Variants in WRAP53 observed in about 807,000 individuals in gnomAD.
WRAP53 encodes the protein telomerase Cajal body protein 1.
Under a neutral mutation model 56.6 loss-of-function variants are expected in WRAP53, and 28 were observed. The observed-to-expected ratio is 0.50, with a 90% CI of 0.37 to 0.68. The LOEUF (loss-of-function observed/expected upper bound fraction) is 0.68, where lower values mean the gene tolerates loss of function less well. Ranked by LOEUF, WRAP53 falls within the 30% of genes least tolerant of loss-of-function variation. The pLI, the probability that WRAP53 is intolerant of heterozygous loss-of-function variation, is 0.00. For synonymous variants in WRAP53, 283 were observed against 283.4 expected, an observed-to-expected ratio of 1.00 and a Z score of 0.01; for missense variants, 671 against 715.5, an observed-to-expected ratio of 0.94 and a Z score of 0.71.
In WRAP53 at chr17:7,703,355, C is replaced by T. The variant is rs779483078; in HGVS notation, c.1516C>T (p.Arg506Cys). 1.1e-5 allele frequency: 17 copies of T among 1,613,888 alleles called. No individual in the cohort carries two copies. The highest frequency in any genetic ancestry group is 8.9e-5 in the East Asian group (4 of 44,878). Reference protein sequence around the residue: ...EELGLPLLSTRHVHLECRLQL... With the variant: ...EELGLPLLSTCHVHLECRLQL... ...GCTGGGCCTTCCCTTGCTCTCCACG[C>T]GCCACGTCCACCTTGAATGTCGGCT... The change falls in exon 11 of 11, where the codon CGC becomes TGC. Residue 506 changes from arginine to cysteine, a missense_variant. By Grantham distance (180) the Arg-to-Cys change is radical. Around this residue, in one of 3 missense-constraint regions of WRAP53, gnomAD observed 107 missense variants for 81.3 expected, o/e 1.32. Transcript: ENST00000396463.
At position 7,688,789 on chromosome 17, in the gene WRAP53, G is replaced by A. The variant is rs2074058167; in HGVS notation, c.141G>A (p.Arg47=). The change falls in exon 2 of 11, where the codon AGG becomes AGA. Residue 47 remains arginine, a synonymous_variant. Transcript: ENST00000396463. ...AACTGATGCCACCGCCTCCCGAAAG[G>A]GGGGATCCGCCCCGGTTGTCCCCAG... ...DSELMPPPPE[R]GDPPRLSPDP... is the part of the protein sequence containing the mutation. The A allele has an allele frequency of 6.2e-7, 1 of 1,614,182 alleles. No individual in the cohort carries two copies. The highest frequency in any genetic ancestry group is 8.5e-7 in the Non-Finnish European group (1 of 1,180,048).
chr17:7,688,236 G>A (rs17883184), upstream of WRAP53: 4,186 of 203,730 alleles, frequency 0.021, 176 homozygotes, highest in African/African-American at 0.092. Flanking sequence ...GCGGGACTCG[G>A]TAGGGGGAGC....
In WRAP53 at chr17:7,688,835, G is replaced by A. The variant is rs145760222; in HGVS notation, c.187G>A (p.Val63Met). The A allele has an allele frequency of 2.5e-4, 400 of 1,614,214 alleles. No homozygotes were observed. The highest frequency in any genetic ancestry group is 1.8e-3 in the Middle Eastern group (11 of 6,062). ...LSPDPVAGSA[V>M]SQELREGDPV... is the part of the protein sequence containing the mutation. ...CCCAGATCCTGTGGCTGGCTCAGCT[G>A]TGTCCCAGGAGCTACGGGAGGGGGA... The change falls in exon 2 of 11, where the codon GTG (valine) becomes ATG (methionine). Residue 63 changes from valine to methionine, a missense_variant. This residue lies in a region of WRAP53 where 406 missense variants were observed against 418.5 expected (regional missense o/e 0.97). Coordinates refer to ENST00000396463, the MANE Select transcript of WRAP53 (RefSeq NM_001143992.2).
intron 4 of WRAP53, among the ~76,000 whole-genome samples, chr17:7,690,290 T>A (rs899269640): frequency 6.6e-5 from 10 of 152,220 alleles, no homozygotes; most frequent in Admixed American, 2.0e-4. Context: ...TGTTAGTCAC[T>A]GTGCTGGGAT....
Position 7,703,244 on chromosome 17 carries a change from C to T in WRAP53, c.1405C>T (p.Leu469=). 1 of 1,613,478 alleles carries T rather than the reference C, an allele frequency of 6.2e-7. No homozygotes were observed. Among genetic ancestry groups the T allele is most frequent in the Middle Eastern group, 1.6e-4 (1 of 6,062 alleles). Reference sequence around the variant, plus strand: ...AGACCCTCCCCATCTCTCCCTCAGCCTGCACCCTAGCCTGCCTCTCCTGGC... The same window carrying T: ...AGACCCTCCCCATCTCTCCCTCAGCTTGCACCCTAGCCTGCCTCTCCTGGC... ...PQKDCTNGVS[L]HPSLPLLATA... The change falls in exon 11 of 11, where the codon CTG becomes TTG. Residue 469 remains leucine (L), a splice_region_variant and synonymous_variant. Transcript: ENST00000396463.
chr17:7,702,432 C>T lies in WRAP53; in HGVS notation c.1044C>T (p.Ser348=). The T allele has an allele frequency of 1.2e-6, 2 of 1,614,098 alleles. No individual in the cohort carries two copies. Among genetic ancestry groups the T allele is most frequent in the Non-Finnish European group, 8.5e-7 (1 of 1,180,012 alleles). ...ATGCCTGTGGCTCCTACGGCCGCTC[C>T]CTGGGTCTGTATGCCTGGGATGATG... ...PLYACGSYGR[S]LGLYAWDDGS... Residue 348 remains serine, a synonymous_variant, in exon 8 of 11, where the codon TCC becomes TCT. Coordinates refer to ENST00000396463, the MANE Select transcript of WRAP53 (RefSeq NM_001143992.2). This position sits in a 1 kb window ranked among gnomAD's most constrained non-coding sequence, Gnocchi z 5.0.
Position 7,702,888 on chromosome 17 carries a change from C to T in WRAP53, c.1268+42C>T, listed in dbSNP as rs751115156. ...CCTTCCTACACAGGGCCCTGATAAGCCTAGGAATGCCAGAGCCCAGCTGTA... is the reference window on the plus strand; with the variant it reads ...CCTTCCTACACAGGGCCCTGATAAGTCTAGGAATGCCAGAGCCCAGCTGTA... On this transcript the variant is annotated intron_variant, in intron 9 of 10. Transcript: ENST00000396463. The surrounding 1 kb of genome is among the most constrained non-coding windows in gnomAD (Gnocchi z 5.0). 23 of 1,612,862 alleles carry T rather than the reference C, an allele frequency of 1.4e-5. No individual in the cohort carries two copies. Among genetic ancestry groups the T allele is most frequent in the Non-Finnish European group, 1.9e-5 (23 of 1,179,754 alleles).
intron 4 of WRAP53, among the ~76,000 whole-genome samples, chr17:7,691,153 G>A (rs1188486806): frequency 6.8e-6 from 1 of 146,112 alleles, no homozygotes; most frequent in Non-Finnish European, 1.5e-5. Context: ...AGGTTGCAGT[G>A]AGCCAAGATC....
chr17:7,697,330 AAAAG>A (rs995822525), intron 4 of WRAP53, among the ~76,000 whole-genome samples: 7 of 150,724 alleles, frequency 4.6e-5, no homozygotes, highest in Non-Finnish European at 8.9e-5. Context: ...CAAAAAAAAA[AAAAG>A]AAAAGAAAAA....
rs1275498971 is a variant in WRAP53, at chr17:7,701,963, C to A, written c.955+174C>A. On this transcript the variant is annotated intron_variant, in intron 7 of 10. Coordinates refer to ENST00000396463, the MANE Select transcript of WRAP53 (RefSeq NM_001143992.2). This position sits in a 1 kb window ranked among gnomAD's most constrained non-coding sequence, Gnocchi z 4.2. ...AAACAGGCTCAGAGCAGGTAGGAAACCTTCCCAAGGCCAACCAGCTGGTCA... is the reference window on the plus strand; with the variant it reads ...AAACAGGCTCAGAGCAGGTAGGAAAACTTCCCAAGGCCAACCAGCTGGTCA... 1 of 1,125,842 alleles carries A rather than the reference C, an allele frequency of 8.9e-7. No individual in the cohort carries two copies. The highest frequency in any genetic ancestry group is 1.3e-6 in the Non-Finnish European group (1 of 772,988). 69.7% of individuals were successfully genotyped at this position (1,125,842 alleles called of 1,614,324 possible). A position where few individuals can be genotyped will look rare whatever the true frequency, so the allele number is the denominator to read the frequency against.
intron 4 of WRAP53, among the ~76,000 whole-genome samples, chr17:7,691,605 A>T (rs1296311096): frequency 1.3e-5 from 2 of 151,672 alleles, no homozygotes; most frequent in African/African-American, 4.8e-5. Context: ...ATTGGCCAGG[A>T]TGGTCTCGTA....
Position 7,699,508 on chromosome 17 carries a change from AT to A in WRAP53, c.643-1232del, listed in dbSNP as rs1567577591. Among the ~76,000 whole-genome samples the A allele has an allele frequency of 5.8e-4, 15 of 25,764 alleles. 1 individual carries two copies. Among genetic ancestry groups the A allele is most frequent in the African/African-American group, 3.5e-3 (15 of 4,278 alleles). 16.9% of individuals were successfully genotyped at this position (25,764 alleles called of 152,430 possible). ...TATATATATATATATATATTTATAT[AT>A]ATATATATATATTTATATATATATA... On this transcript the variant is annotated intron_variant, in intron 4 of 10. Coordinates refer to ENST00000396463, the MANE Select transcript of WRAP53 (RefSeq NM_001143992.2).
In WRAP53 at chr17:7,702,712, G is replaced by A. The variant is rs767653415; in HGVS notation, c.1165-31G>A. ...AGGCAGGGACATCCAGGGCTTTGGG[G>A]GTGACTCCAGGTCCTGTTCCTTGTC... On this transcript the variant is annotated intron_variant, in intron 8 of 10. Coordinates refer to ENST00000396463, the MANE Select transcript of WRAP53 (RefSeq NM_001143992.2). This position sits in a 1 kb window ranked among gnomAD's most constrained non-coding sequence, Gnocchi z 5.0. 1 of 1,610,658 alleles carries A rather than the reference G, an allele frequency of 6.2e-7. No homozygotes were observed. The highest frequency in any genetic ancestry group is 8.5e-7 in the Non-Finnish European group (1 of 1,179,084).
intron 4 of WRAP53, among the ~76,000 whole-genome samples, chr17:7,692,133 C>T (rs953503301): frequency 6.6e-6 from 1 of 151,906 alleles, no homozygotes; most frequent in African/African-American, 2.4e-5. Flanking sequence ...AGCCACTGCG[C>T]CCGGCCAAGA....
At chr17:7,696,392 A>G (rs538278305) in intron 4 of WRAP53, among the ~76,000 whole-genome samples, 70 of 130,278 alleles carry the variant, frequency 5.4e-4, no homozygotes, top group South Asian at 7.7e-4. Context: ...TCCGCCTCCC[A>G]GGTTCACGCC....
chr17:7,701,323 T>C lies in WRAP53; in HGVS notation c.732-136T>C, dbSNP rs2074270163. 4 of 911,356 alleles carry C rather than the reference T, an allele frequency of 4.4e-6. No homozygotes were observed. In the South Asian group the frequency reaches 5.3e-5, roughly 12 times the overall value. The allele number at this position is 911,356 out of a possible 1,614,324, so 56.5% of individuals were successfully genotyped here. A position where few individuals can be genotyped will look rare whatever the true frequency, so the allele number is the denominator to read the frequency against. Reference sequence around the variant, plus strand: ...TTTCACCATGTTGGCCAGGCTGGTCTCGAACTCCTGACCTCAAGTGATCCA... The same window carrying C: ...TTTCACCATGTTGGCCAGGCTGGTCCCGAACTCCTGACCTCAAGTGATCCA... On this transcript the variant is annotated intron_variant, in intron 5 of 10. Transcript: ENST00000396463. This position sits in a 1 kb window ranked among gnomAD's most constrained non-coding sequence, Gnocchi z 4.2.
At position 7,688,922 on chromosome 17, in the gene WRAP53, C is replaced by G. The variant is rs769637437; in HGVS notation, c.274C>G (p.Arg92Gly). ...TGGTTCCCCTAGTGAGTTGAGTCCT[C>G]GAATCGAGGAGCAAGAACTTTCTGA... ...EFGSPSELSP[R>G]IEEQELSENT... The change falls in exon 2 of 11, where the codon CGA becomes GGA. Residue 92 changes from arginine (R) to glycine (G), a missense_variant. By Grantham distance (125) the Arg-to-Gly change is moderately radical. Coordinates refer to ENST00000396463, the MANE Select transcript of WRAP53 (RefSeq NM_001143992.2). 6 of 1,613,962 alleles carry G rather than the reference C, an allele frequency of 3.7e-6. No individual in the cohort carries two copies. The highest frequency in any genetic ancestry group is 5.1e-6 in the Non-Finnish European group (6 of 1,180,022).
chr17:7,702,975 C>G lies in WRAP53; in HGVS notation c.1269-18C>G. The G allele has an allele frequency of 1.2e-6, 2 of 1,613,562 alleles. No individual in the cohort carries two copies. Among genetic ancestry groups the G allele is most frequent in the Middle Eastern group, 1.7e-4 (1 of 6,056 alleles). On this transcript the variant is annotated intron_variant, in intron 9 of 10. Coordinates refer to ENST00000396463, the MANE Select transcript of WRAP53 (RefSeq NM_001143992.2). The surrounding 1 kb of genome is among the most constrained non-coding windows in gnomAD (Gnocchi z 5.0). ...AGGGGTGAGGCCTCTGCCAGCAAATCTCTCCTCTCTCTCGCAGGACCGGGC... is the reference window on the plus strand; with the variant it reads ...AGGGGTGAGGCCTCTGCCAGCAAATGTCTCCTCTCTCTCGCAGGACCGGGC...
At chr17:7,699,502 TTATATATATATATATATATTTATA>T (rs2074241285) in intron 4 of WRAP53, among the ~76,000 whole-genome samples, 2 of 11,758 alleles carry the variant, frequency 1.7e-4, no homozygotes, top group South Asian at 2.7e-3. Context: ...ATATATATAT[TTATATATATATATATATATTTATA>T]TATATATATA....
Sources: gnomAD v4.1 joint callset for allele counts (sites outside exome capture counted in the v4.1 genomes callset) on GRCh38, gnomAD v4.1.1 for gene constraint, gnomAD v4.1.1 regional missense constraint, Gnocchi (gnomAD v3.1) non-coding constraint, MANE v1.5 for transcripts, NCBI Gene and HGNC (gene_info 2026-07-23, HGNC 2026-07-21) for gene names.